The following CHN2 variants were observed in gnomAD, a reference collection of about 807,000 sequenced individuals.
The protein encoded by CHN2 is chimerin 2.
Under a neutral mutation model 56.3 loss-of-function variants are expected in CHN2, and 35 were observed. The observed-to-expected ratio is 0.62, with a 90% confidence interval of 0.47 to 0.82. The LOEUF is 0.82. Ranked by LOEUF, CHN2 falls within the 40% of genes least tolerant of loss-of-function variation. The pLI, the probability that CHN2 is intolerant of heterozygous loss-of-function variation, is 0.00. For synonymous variants in CHN2, 210 were observed against 212.8 expected, an observed-to-expected ratio of 0.99 and a Z score of 0.12; for missense variants, 491 against 580.5, an observed-to-expected ratio of 0.85 and a Z score of 1.58.
chr7:29,395,321 A>G (rs559196212), intron 4 of CHN2, among the ~76,000 whole-genome samples: 4 of 152,278 alleles, frequency 2.6e-5, no homozygotes, highest in Admixed American at 2.6e-4. Flanking sequence ...TCAGGAGATT[A>G]AGACCAGCCT....
chr7:29,273,959 T>C (rs1052365123), intron 1 of CHN2, among the ~76,000 whole-genome samples: 4 of 152,200 alleles, frequency 2.6e-5, no homozygotes, highest in African/African-American at 9.6e-5. Context: ...CAGGGTTCCC[T>C]AGACCATGCT....
At position 29,233,979 on chromosome 7, in the gene CHN2, G is replaced by A. The variant is rs1361679091; in HGVS notation, c.49+38989G>A. Among the ~76,000 whole-genome samples the A allele has an allele frequency of 2.7e-5, 4 of 149,574 alleles. No individual in the cohort carries two copies. The South Asian group carries it at 6.4e-4, about 24-fold the overall frequency. On this transcript the variant is annotated intron_variant, in intron 1 of 12. Coordinates refer to ENST00000222792, the MANE Select transcript of CHN2 (RefSeq NM_004067.4). Reference sequence around the variant, plus strand: ...CTCCCAAGTAGCTGGGACTACAGGCGCCCGCCACCACGCCCGGCTAATTTT... The same window carrying A: ...CTCCCAAGTAGCTGGGACTACAGGCACCCGCCACCACGCCCGGCTAATTTT...
chr7:29,507,791 T>C (rs1370884578), intron 11 of CHN2, among the ~76,000 whole-genome samples: 2 of 152,194 alleles, frequency 1.3e-5, no homozygotes, highest in Non-Finnish European at 2.9e-5. Flanking sequence ...AATGATAGCT[T>C]TAATGATAAT....
chr7:29,289,955 AG>A (rs1410727676), intron 1 of CHN2, among the ~76,000 whole-genome samples: 3 of 152,246 alleles, frequency 2.0e-5, no homozygotes, highest in African/African-American at 7.2e-5. Context: ...GTGGTAAGTA[AG>A]CTCTTACAGA....
intron 1 of CHN2, among the ~76,000 whole-genome samples, chr7:29,244,997 C>T (rs897289743): frequency 1.1e-4 from 16 of 152,116 alleles, no homozygotes; most frequent in Non-Finnish European, 2.2e-4. Context: ...TTCATACTGG[C>T]CAGGCCAGAT....
At chr7:29,364,401 T>C (rs896669410) in intron 2 of CHN2, among the ~76,000 whole-genome samples, 9 of 152,208 alleles carry the variant, frequency 5.9e-5, no homozygotes, top group Admixed American at 3.9e-4. Flanking sequence ...ACAATGGTAT[T>C]CACAAAGCCA....
chr7:29,288,053 A>G (rs1013791449), intron 1 of CHN2, among the ~76,000 whole-genome samples: 1 of 152,244 alleles, frequency 6.6e-6, no homozygotes, highest in African/African-American at 2.4e-5. Flanking sequence ...AAATGACAAT[A>G]TGAAAAAATA....
intron 1 of CHN2, among the ~76,000 whole-genome samples, chr7:29,283,187 A>G (rs1004728777): frequency 5.3e-5 from 8 of 152,100 alleles, no homozygotes; most frequent in Non-Finnish European, 2.9e-5. Context: ...AGCTTTCCTT[A>G]CGTGCTTACC....
chr7:29,229,466 T>A (rs1322246548), intron 1 of CHN2, among the ~76,000 whole-genome samples: 1 of 152,226 alleles, frequency 6.6e-6, no homozygotes, highest in African/African-American at 2.4e-5. Context: ...ATTTACTAAT[T>A]ATATTCCCAA....
At chr7:29,175,919 G>C (rs563049296) in intron 2 of CHN2, among the ~76,000 whole-genome samples, 25 of 152,302 alleles carry the variant, frequency 1.6e-4, no homozygotes, top group Admixed American at 4.6e-4. Flanking sequence ...GGGCGCGGTG[G>C]CTCATGCCTG....
At chr7:29,503,056 T>C (rs1790149353) in intron 9 of CHN2, among the ~76,000 whole-genome samples, 1 of 152,160 alleles carries the variant, frequency 6.6e-6, no homozygotes, top group Non-Finnish European at 1.5e-5. Context: ...TCAGTGAATC[T>C]TATGGCTGAA....
chr7:29,211,278 C>T (rs1784925766), intron 1 of CHN2, among the ~76,000 whole-genome samples: 1 of 151,576 alleles, frequency 6.6e-6, no homozygotes, highest in Non-Finnish European at 1.5e-5. Context: ...TGGGGTTTCA[C>T]CATGTTAGCC....
chr7:29,286,470 G>A (rs998705778), intron 1 of CHN2, among the ~76,000 whole-genome samples: 3 of 152,200 alleles, frequency 2.0e-5, no homozygotes, highest in Non-Finnish European at 2.9e-5. Flanking sequence ...GAGATGAAGG[G>A]ACAAGGCTGT....
At chr7:29,292,759 C>T (rs575774987) in intron 1 of CHN2, 2 of 375,044 alleles carry the variant, frequency 5.3e-6, no homozygotes, top group Admixed American at 3.0e-5. Context: ...GTAAAACACC[C>T]TGCATTTCAT....
chr7:29,413,125 T>C (rs1424883262), intron 6 of CHN2, among the ~76,000 whole-genome samples: 3 of 152,360 alleles, frequency 2.0e-5, no homozygotes, highest in Non-Finnish European at 4.4e-5. Flanking sequence ...TCTCTCCTTA[T>C]ACACAATCAC....
intron 1 of CHN2, among the ~76,000 whole-genome samples, chr7:29,351,853 G>C (rs1305424034): frequency 6.6e-6 from 1 of 152,232 alleles, no homozygotes; most frequent in Non-Finnish European, 1.5e-5. Flanking sequence ...GTGCAGGGAA[G>C]ACCTTGGAGG....
intron 12 of CHN2, chr7:29,509,620 G>A (rs13229676): frequency 0.067 from 27,046 of 402,086 alleles, 1,194 homozygotes; most frequent in Non-Finnish European, 0.094. Context: ...CGAGGTGGGC[G>A]GATCATGAGG....
chr7:29,437,577 G>A lies in CHN2; in HGVS notation c.576+36749G>A, dbSNP rs1284523098. On this transcript the variant is annotated intron_variant, in intron 6 of 12. Coordinates refer to ENST00000222792, the MANE Select transcript of CHN2 (RefSeq NM_004067.4). ...CGCGCCACTGCACTCCAGCCTGGGC[G>A]ACAGAGCGAGACTCCGTCTCAAAAA... Among the ~76,000 whole-genome samples, 4 of 73,916 alleles carry A rather than the reference G, an allele frequency of 5.4e-5. 1 individual carries two copies. The highest frequency in any genetic ancestry group is 2.5e-4 in the Admixed American group (2 of 7,942). 48.5% of individuals were successfully genotyped at this position (73,916 alleles called of 152,430 possible). A position where few individuals can be genotyped will look rare whatever the true frequency, so the allele number is the denominator to read the frequency against.
chr7:29,483,962 G>A, intron 7 of CHN2: 1 of 998,446 alleles, frequency 1.0e-6, no homozygotes, highest in South Asian at 1.3e-5. Context: ...ACTTATCGTG[G>A]TCTCTGGCAC....
Sources: allele counts gnomAD v4.1 joint callset (sites outside exome capture counted in the v4.1 genomes callset), GRCh38; gene constraint gnomAD v4.1.1; transcripts MANE v1.5; gene names NCBI Gene and HGNC (gene_info 2026-07-23, HGNC 2026-07-21).